The following SS18 variants were observed in gnomAD, a reference collection of about 807,000 sequenced individuals.
SS18 encodes protein SSXT.
SS18 carries 28 observed loss-of-function variants against 72.5 expected under a neutral mutation model. The observed-to-expected ratio is 0.39, with a 90% CI of 0.29 to 0.53. SS18 has a LOEUF of 0.53. SS18 is among the 20% of genes least tolerant of loss of function. The pLI is 0.76. For synonymous variants in SS18, 172 were observed against 164.2 expected, an observed-to-expected ratio of 1.05 and a Z score of -0.37; for missense variants, 518 against 535.3, an observed-to-expected ratio of 0.97 and a Z score of 0.32.
intron 7 of SS18, 80 bp downstream of exon 7, chr18:26,038,475 A>G: frequency 7.7e-7 from 1 of 1,298,426 alleles, no homozygotes; most frequent in Non-Finnish European, 1.1e-6. Context: ...CTTCGTCCTC[A>G]CTGAAATGTT....
intron 3 of SS18, among the ~76,000 whole-genome samples, chr18:26,075,708 G>C (rs969271492): frequency 9.9e-5 from 15 of 151,816 alleles, no homozygotes; most frequent in African/African-American, 3.6e-4. Context: ...TTCTATTCAG[G>C]AATGTAATGG....
At chr18:26,041,384 A>C (rs955458556) in intron 5 of SS18, among the ~76,000 whole-genome samples, 1 of 152,176 alleles carries the variant, frequency 6.6e-6, no homozygotes, top group African/African-American at 2.4e-5. Context: ...AGATCATGTA[A>C]CTGCACCCCA....
At chr18:26,041,350 G>A (rs2053719692) in intron 5 of SS18, among the ~76,000 whole-genome samples, 2 of 152,108 alleles carry the variant, frequency 1.3e-5, no homozygotes, top group African/African-American at 2.4e-5. Flanking sequence ...CTTGAACCCG[G>A]GAGGCAGAGG....
At chr18:26,048,931 T>C (rs2053876298) in intron 5 of SS18, among the ~76,000 whole-genome samples, 3 of 152,200 alleles carry the variant, frequency 2.0e-5, no homozygotes, top group Non-Finnish European at 4.4e-5. Flanking sequence ...ATTATGCAAA[T>C]GATTACCAAG....
Position 26,035,806 on chromosome 18 carries a change from T to G in SS18, c.973+25A>C. On this transcript the variant is annotated intron_variant, in intron 8 of 10. Coordinates refer to ENST00000415083, the MANE Select transcript of SS18 (RefSeq NM_001007559.3). The surrounding 1 kb of genome is among the most constrained non-coding windows in gnomAD (Gnocchi z 4.4). ...TCCTGTAGAAGGGGATATATATGTG[T>G]ATGTGTGTGAAGGTATATAGATACC... 1 of 1,478,280 alleles carries G rather than the reference T, an allele frequency of 6.8e-7. No individual in the cohort carries two copies. The highest frequency in any genetic ancestry group is 9.3e-7 in the Non-Finnish European group (1 of 1,069,978). The allele number at this position is 1,478,280 out of a possible 1,614,324, so 91.6% of individuals were successfully genotyped here.
chr18:26,061,331 T>C (rs12965870), intron 3 of SS18, among the ~76,000 whole-genome samples: 25 of 150,210 alleles, frequency 1.7e-4, no homozygotes, highest in African/African-American at 5.9e-4. Context: ...AATAAATAAA[T>C]AAACAAACAC....
chr18:26,049,942 G>A (rs2053891821), intron 5 of SS18, among the ~76,000 whole-genome samples: 1 of 152,224 alleles, frequency 6.6e-6, no homozygotes, highest in Admixed American at 6.5e-5. Context: ...AGCAGTTTAA[G>A]AAACAAATTA....
At chr18:26,076,676 A>C (rs546404194) in intron 3 of SS18, among the ~76,000 whole-genome samples, 1 of 152,034 alleles carries the variant, frequency 6.6e-6, no homozygotes, top group East Asian at 1.9e-4. Flanking sequence ...GTTTTATATA[A>C]AGTAGCATAC....
At position 26,017,371 on chromosome 18, in the gene SS18, C is replaced by T. The variant is rs1195216546; in HGVS notation, c.*983G>A. 5.2e-6 allele frequency: 1 copy of T among 192,132 alleles called. No individual in the cohort carries two copies. The highest frequency in any genetic ancestry group is 2.3e-5 in the African/African-American group (1 of 43,064). 11.9% of individuals were successfully genotyped at this position (192,132 alleles called of 1,614,324 possible). ...ACTATTCAGTTTAATAACCAATTAT[C>T]CCTCAATATTACAAAATAAAATGAC... On this transcript the variant is annotated 3_prime_UTR_variant, in exon 11 of 11. Coordinates refer to ENST00000415083, the MANE Select transcript of SS18 (RefSeq NM_001007559.3).
chr18:26,046,659 C>T (rs983437236), intron 5 of SS18, among the ~76,000 whole-genome samples: 7 of 152,186 alleles, frequency 4.6e-5, no homozygotes, highest in African/African-American at 1.7e-4. Context: ...ATTTGGGTTT[C>T]ATTTCTAGCA....
At chr18:26,082,788 G>C (rs561673532) in intron 2 of SS18, among the ~76,000 whole-genome samples, 2 of 152,270 alleles carry the variant, frequency 1.3e-5, no homozygotes, top group South Asian at 4.1e-4. Flanking sequence ...TCTTTGGGTA[G>C]TAAGAATATG....
intron 5 of SS18, among the ~76,000 whole-genome samples, chr18:26,044,978 C>T (rs1187147307): frequency 6.6e-6 from 1 of 152,224 alleles, no homozygotes; most frequent in Non-Finnish European, 1.5e-5. Flanking sequence ...GAGGACAACA[C>T]AAACTTTGCA....
At chr18:26,080,998 C>T (rs1302430320) in intron 2 of SS18, among the ~76,000 whole-genome samples, 1 of 148,378 alleles carries the variant, frequency 6.7e-6, no homozygotes, top group Non-Finnish European at 1.5e-5. Context: ...CTAATACCTC[C>T]AAATCATTTT....
At chr18:26,023,957 G>A (rs2053400118) in intron 10 of SS18, among the ~76,000 whole-genome samples, 1 of 151,916 alleles carries the variant, frequency 6.6e-6, no homozygotes, top group Non-Finnish European at 1.5e-5. Flanking sequence ...ATAACACAAA[G>A]AGAAGAAAAG....
intron 3 of SS18, chr18:26,064,823 T>A (rs2054184214): frequency 6.6e-6 from 1 of 152,032 alleles, no homozygotes; most frequent in African/African-American, 2.4e-5. Flanking sequence ...CTTACAATTG[T>A]CATTATTTGC....
At chr18:26,066,187 T>A (rs907087373) in intron 3 of SS18, among the ~76,000 whole-genome samples, 3 of 152,072 alleles carry the variant, frequency 2.0e-5, no homozygotes, top group African/African-American at 7.2e-5. Flanking sequence ...TTAAGTTCTT[T>A]AAGGACTGCG....
Position 26,090,224 on chromosome 18 carries a change from C to T in SS18, c.69+277G>A, listed in dbSNP as rs2054697403. On this transcript the variant is annotated intron_variant, in intron 1 of 10. Coordinates refer to ENST00000415083, the MANE Select transcript of SS18 (RefSeq NM_001007559.3). ...GGGCGCACGCGCCCCGCAGCCCGAA[C>T]GCCGCCCCATCCCTAGAGAAATCAG... is the stretch of plus-strand genomic sequence containing the variant. 1.0e-5 allele frequency: 5 copies of T among 482,842 alleles called. No homozygotes were observed. The South Asian group carries it at 1.1e-4, about 11-fold the overall frequency. 29.9% of individuals were successfully genotyped at this position (482,842 alleles called of 1,614,324 possible). A position where few individuals can be genotyped will look rare whatever the true frequency, so the allele number is the denominator to read the frequency against.
rs1261832890 is a variant in SS18 at position 26,016,861 on chromosome 18, C to G, written c.*1493G>C. ...CCTTTTGATTACAGTATGTTGAGAACAGTATGTTCTGCTTATTCAAATTTA... is the reference window on the plus strand; with the variant it reads ...CCTTTTGATTACAGTATGTTGAGAAGAGTATGTTCTGCTTATTCAAATTTA... On this transcript the variant is annotated 3_prime_UTR_variant, in exon 11 of 11. Coordinates refer to ENST00000415083, the MANE Select transcript of SS18 (RefSeq NM_001007559.3). 4.3e-6 allele frequency: 1 copy of G among 230,716 alleles called. No homozygotes were observed. Among genetic ancestry groups the G allele is most frequent in the Non-Finnish European group, 8.6e-6 (1 of 116,314 alleles). The allele number at this position is 230,716 out of a possible 1,614,324, so 14.3% of individuals were successfully genotyped here.
At chr18:26,064,696 A>G in intron 3 of SS18, 1 of 152,134 alleles carries the variant, frequency 6.6e-6, no homozygotes, top group Non-Finnish European at 1.5e-5. Context: ...GAATAAGACA[A>G]GAATATACAT....
Sources: gnomAD v4.1 joint callset for allele counts (sites outside exome capture counted in the v4.1 genomes callset) on GRCh38, gnomAD v4.1.1 for gene constraint, Gnocchi (gnomAD v3.1) non-coding constraint, MANE v1.5 for transcripts, NCBI Gene and HGNC (gene_info 2026-07-23, HGNC 2026-07-21) for gene names.